Variants in MTUS2 observed in about 807,000 individuals in gnomAD.
The protein encoded by MTUS2 is microtubule-associated tumor suppressor candidate 2.
A neutral mutation model predicts 114.1 loss-of-function variants in MTUS2; 40 were observed. The observed-to-expected ratio is 0.35, with a 90% confidence interval of 0.27 to 0.46. The LOEUF is 0.46. Ranked by LOEUF, MTUS2 falls within the 20% of genes least tolerant of loss-of-function variation. The pLI, the probability that MTUS2 is intolerant of heterozygous loss-of-function variation, is 1.00. For missense variants in MTUS2, 1,679 were observed against 1,705.4 expected, an observed-to-expected ratio of 0.98 and a Z score of 0.27; for synonymous variants, 688 against 672.0, an observed-to-expected ratio of 1.02 and a Z score of -0.37.
intron 5 of MTUS2, among the ~76,000 whole-genome samples, chr13:29,111,298 G>A (rs1457895753): frequency 6.6e-6 from 1 of 152,100 alleles, no homozygotes; most frequent in Admixed American, 6.5e-5. Flanking sequence ...AAAAATTTTA[G>A]AACAATAACA....
intron 2 of MTUS2, among the ~76,000 whole-genome samples, chr13:28,949,753 C>A (rs1882717783): frequency 6.6e-6 from 1 of 152,200 alleles, no homozygotes; most frequent in Non-Finnish European, 1.5e-5. Context: ...ATAATGCCCC[C>A]AAGGTTCATC....
chr13:29,498,509 A>G lies in MTUS2; in HGVS notation c.3770A>G (p.Glu1257Gly), dbSNP rs1361029709. 6.2e-7 allele frequency: 1 copy of G among 1,614,222 alleles called. No homozygotes were observed. Among genetic ancestry groups the G allele is most frequent in the Non-Finnish European group, 8.5e-7 (1 of 1,180,036 alleles). Residue 1257 changes from glutamate (E) to glycine (G), a missense_variant, in exon 14 of 16, where the codon GAA (glutamate) becomes GGA (glycine). Transcript: ENST00000612955. ...AAGAATCAGCAAATACACGAGCAAGAAAAGAAGATTCTTGAGCTGGAAAAG... is the reference window on the plus strand; with the variant it reads ...AAGAATCAGCAAATACACGAGCAAGGAAAGAAGATTCTTGAGCTGGAAAAG... ...EMKNQQIHEQ[E>G]KKILELEKLA... is the part of the protein sequence containing the mutation.
At chr13:29,434,354 C>T (rs1234185671) in intron 8 of MTUS2, among the ~76,000 whole-genome samples, 1 of 152,126 alleles carries the variant, frequency 6.6e-6, no homozygotes, top group Non-Finnish European at 1.5e-5. Flanking sequence ...TCTGCATATG[C>T]TGCTGCTCTC....
At chr13:29,499,772 A>T (rs1412815005) in intron 14 of MTUS2, among the ~76,000 whole-genome samples, 3 of 152,248 alleles carry the variant, frequency 2.0e-5, no homozygotes, top group Non-Finnish European at 4.4e-5. Flanking sequence ...ATCTAGGGCC[A>T]CCCATTGCAT....
chr13:29,011,552 C>A (rs184613009), intron 2 of MTUS2, among the ~76,000 whole-genome samples: 3 of 152,272 alleles, frequency 2.0e-5, no homozygotes, highest in Admixed American at 1.3e-4. Context: ...AACAGAAAAA[C>A]CAGTCATTCT....
intron 2 of MTUS2, among the ~76,000 whole-genome samples, chr13:28,951,739 C>T (rs1025586067): frequency 6.6e-6 from 1 of 151,842 alleles, no homozygotes; most frequent in African/African-American, 2.4e-5. Context: ...GTGGAGGTTG[C>T]AGTGAGCCAA....
At chr13:29,325,619 A>G (rs2138026081) in intron 7 of MTUS2, among the ~76,000 whole-genome samples, 1 of 152,138 alleles carries the variant, frequency 6.6e-6, no homozygotes, top group Middle Eastern at 3.4e-3. Flanking sequence ...ATTGTAAGAC[A>G]TTCATGCCAT....
chr13:29,137,751 G>A (rs1302414501), intron 5 of MTUS2, among the ~76,000 whole-genome samples: 1 of 150,806 alleles, frequency 6.6e-6, no homozygotes, highest in African/African-American at 2.4e-5. Flanking sequence ...CAGGTAGCTG[G>A]GATTACAGGT....
intron 2 of MTUS2, among the ~76,000 whole-genome samples, chr13:28,941,885 T>C (rs183471862): frequency 3.1e-4 from 47 of 152,336 alleles, no homozygotes; most frequent in African/African-American, 1.0e-3. Context: ...CACTATGCAT[T>C]GGTCATTTGG....
intron 7 of MTUS2, among the ~76,000 whole-genome samples, chr13:29,344,533 G>C (rs1473386560): frequency 1.3e-5 from 2 of 152,034 alleles, no homozygotes; most frequent in Non-Finnish European, 2.9e-5. Context: ...TTAAGTTTAT[G>C]TGAGTCCTTA....
rs767167286 is a variant in MTUS2 at position 29,428,880 on chromosome 13, A to G, written c.3118-11103A>G. 1.4e-5 allele frequency: 22 copies of G among 1,613,964 alleles called. No individual in the cohort carries two copies. The Admixed American group carries it at 2.7e-4, about 20-fold the overall frequency. ...TGCTGCAAGCCTTATAACTGCCTTCAGTGCCTGGACAAGACGGTACTTTGC... is the reference window on the plus strand; with the variant it reads ...TGCTGCAAGCCTTATAACTGCCTTCGGTGCCTGGACAAGACGGTACTTTGC... On this transcript the variant is annotated intron_variant, in intron 8 of 15. Transcript: ENST00000612955.
Position 29,505,837 on chromosome 13 carries a change from C to G in MTUS2, c.*2631C>G. ...GGATGGGGGTGGGGGCAGCCCTGGC[C>G]GTGATTAGTTGAATGAATGGGGTCA... On this transcript the variant is annotated 3_prime_UTR_variant, in exon 16 of 16. Transcript: ENST00000612955. The G allele has an allele frequency of 4.4e-6, 1 of 228,932 alleles. No homozygotes were observed. Among genetic ancestry groups the G allele is most frequent in the Non-Finnish European group, 8.7e-6 (1 of 115,392 alleles). The allele number at this position is 228,932 out of a possible 1,614,324, so 14.2% of individuals were successfully genotyped here. A position where few individuals can be genotyped will look rare whatever the true frequency, so the allele number is the denominator to read the frequency against.
intron 2 of MTUS2, among the ~76,000 whole-genome samples, chr13:28,934,045 T>C (rs1881762678): frequency 6.6e-6 from 1 of 152,356 alleles, no homozygotes; most frequent in East Asian, 1.9e-4. Flanking sequence ...TTTTATATTA[T>C]CAGATTACAC....
chr13:28,994,363 C>T (rs1313484691), intron 2 of MTUS2, among the ~76,000 whole-genome samples: 4 of 152,124 alleles, frequency 2.6e-5, no homozygotes, highest in Non-Finnish European at 4.4e-5. Context: ...AATAAACATA[C>T]GTGTGCATGC....
chr13:28,934,155 A>G (rs56029964), intron 2 of MTUS2, among the ~76,000 whole-genome samples: 18,295 of 152,288 alleles, frequency 0.12, 1,284 homozygotes, highest in African/African-American at 0.19. Context: ...TCTATTGTAC[A>G]TGCTTGTAAA....
At chr13:29,172,556 A>G (rs559778946) in intron 5 of MTUS2, among the ~76,000 whole-genome samples, 3 of 152,338 alleles carry the variant, frequency 2.0e-5, no homozygotes, top group Admixed American at 1.3e-4. Flanking sequence ...GTCTTCTTCA[A>G]TTTAGGACTC....
chr13:29,325,816 C>T (rs940646515), intron 7 of MTUS2, among the ~76,000 whole-genome samples: 9 of 152,278 alleles, frequency 5.9e-5, no homozygotes, highest in African/African-American at 2.2e-4. Context: ...CCTCTCTTTA[C>T]ATGTGAGGAA....
chr13:29,389,689 A>ATGTG (rs1873112487), intron 8 of MTUS2, among the ~76,000 whole-genome samples: 1 of 140,494 alleles, frequency 7.1e-6, no homozygotes, highest in African/African-American at 2.7e-5. Context: ...ATATGTATGT[A>ATGTG]TATATGTGTA....
intron 5 of MTUS2, among the ~76,000 whole-genome samples, chr13:29,147,158 G>A (rs1254506067): frequency 2.0e-5 from 3 of 152,086 alleles, no homozygotes; most frequent in Admixed American, 1.3e-4. Context: ...CATCATTGAG[G>A]AAAGGAGATA....
Sources: gnomAD v4.1 joint callset for allele counts (sites outside exome capture counted in the v4.1 genomes callset) on GRCh38, gnomAD v4.1.1 for gene constraint, MANE v1.5 for transcripts, NCBI Gene and HGNC (gene_info 2026-07-23, HGNC 2026-07-21) for gene names.